UBE3C: variants seen among roughly 807,000 people sequenced by gnomAD.
The protein encoded by UBE3C is ubiquitin-protein ligase E3C.
Under a neutral mutation model 129.4 loss-of-function variants are expected in UBE3C, and 42 were observed. The ratio of observed to expected loss-of-function variants is 0.32; its 90% CI spans 0.25 to 0.42. UBE3C has a LOEUF of 0.42. UBE3C is among the 10% of genes least tolerant of loss of function. UBE3C has a pLI of 1.00. For missense variants in UBE3C, 1,049 were observed against 1,319.1 expected (o/e 0.80, Z 3.17); for synonymous variants, 510 against 492.4 (o/e 1.04, Z -0.47).
intron 3 of UBE3C, 65 bp downstream of exon 3, chr7:157,169,187 T>C (rs909676949): frequency 1.6e-6 from 2 of 1,235,426 alleles, no homozygotes; most frequent in African/African-American, 3.0e-5. Context: ...ATATGGTATC[T>C]TTGTACACCT....
intron 18 of UBE3C, among the ~76,000 whole-genome samples, chr7:157,243,679 T>G (rs1269688799): frequency 1.3e-5 from 2 of 151,994 alleles, no homozygotes; most frequent in Non-Finnish European, 2.9e-5. Context: ...AGACCAAGTG[T>G]TGCGGGAGTT....
intron 9 of UBE3C, among the ~76,000 whole-genome samples, chr7:157,186,464 G>A (rs1332801862): frequency 6.6e-6 from 1 of 151,510 alleles, no homozygotes. Context: ...TGCTTAAACT[G>A]TGATCTCAAA....
At chr7:157,157,985 TATAGAG>T (rs1436469311) in intron 1 of UBE3C, among the ~76,000 whole-genome samples, 14 of 134,692 alleles carry the variant, frequency 1.0e-4, no homozygotes, top group South Asian at 2.4e-4. Flanking sequence ...TATATATATA[TATAGAG>T]AGAGAGAGAG....
At chr7:157,266,300 C>G (rs184719179) in intron 22 of UBE3C, among the ~76,000 whole-genome samples, 43 of 152,112 alleles carry the variant, frequency 2.8e-4, no homozygotes, top group African/African-American at 9.1e-4. Flanking sequence ...GGTGACAGAG[C>G]AAGACTCCGT....
chr7:157,164,955 T>C (rs1304733979), intron 2 of UBE3C, among the ~76,000 whole-genome samples: 1 of 152,160 alleles, frequency 6.6e-6, no homozygotes, highest in Non-Finnish European at 1.5e-5. Flanking sequence ...ACCTTGGTGC[T>C]GACATTTTTG....
chr7:157,224,939 C>A (rs1795837531), intron 16 of UBE3C, among the ~76,000 whole-genome samples: 1 of 152,184 alleles, frequency 6.6e-6, no homozygotes, highest in East Asian at 1.9e-4. Flanking sequence ...TTTTACAAAG[C>A]TGTTCTTTCC....
chr7:157,151,603 G>A (rs1807758549), intron 1 of UBE3C, among the ~76,000 whole-genome samples: 1 of 152,072 alleles, frequency 6.6e-6, no homozygotes, highest in African/African-American at 2.4e-5. Flanking sequence ...TTATCCTGCC[G>A]GAAATACTAT....
rs534165541 is a variant in UBE3C at position 157,151,183 on chromosome 7, C to T, written c.66+11845C>T. On this transcript the variant is annotated intron_variant, in intron 1 of 22. Transcript: ENST00000348165. Reference sequence around the variant, plus strand: ...TCTGTGGACATAATCCTGAAGCCACCGTAGAAGGGAGCTTCAGGTTTAGCT... The same window carrying T: ...TCTGTGGACATAATCCTGAAGCCACTGTAGAAGGGAGCTTCAGGTTTAGCT... Among the ~76,000 whole-genome samples, 8 of 152,302 alleles carry T rather than the reference C, an allele frequency of 5.3e-5. No individual in the cohort carries two copies. The South Asian group carries it at 1.0e-3, about 20-fold the overall frequency.
At chr7:157,204,186 C>A (rs1809365930) in intron 11 of UBE3C, among the ~76,000 whole-genome samples, 1 of 152,076 alleles carries the variant, frequency 6.6e-6, no homozygotes, top group African/African-American at 2.4e-5. Flanking sequence ...ATATTTCCTA[C>A]TGGGAATAAA....
intron 10 of UBE3C, among the ~76,000 whole-genome samples, chr7:157,196,377 T>C (rs1220512811): frequency 6.6e-6 from 1 of 152,202 alleles, no homozygotes; most frequent in Non-Finnish European, 1.5e-5. Context: ...TAACTAAGGA[T>C]GAAGTGGTGT....
At chr7:157,189,111 G>A (rs991690095) in intron 10 of UBE3C, 2 of 408,590 alleles carry the variant, frequency 4.9e-6, no homozygotes, top group Non-Finnish European at 8.7e-6. Flanking sequence ...ATTGCATAAA[G>A]AAACTTGGAA....
intron 1 of UBE3C, among the ~76,000 whole-genome samples, chr7:157,160,265 G>A (rs1160704754): frequency 6.6e-6 from 1 of 152,062 alleles, no homozygotes; most frequent in Non-Finnish European, 1.5e-5. Flanking sequence ...AGTAGAGACG[G>A]GGTTCCACCA....
intron 10 of UBE3C, among the ~76,000 whole-genome samples, chr7:157,201,517 A>T (rs1158116715): frequency 6.6e-6 from 1 of 151,128 alleles, no homozygotes; most frequent in Non-Finnish European, 1.5e-5. Context: ...GTAACAGCAC[A>T]GATTTACACC....
intron 22 of UBE3C, among the ~76,000 whole-genome samples, chr7:157,267,238 G>A (rs1002864694): frequency 2.6e-5 from 4 of 152,104 alleles, no homozygotes; most frequent in Admixed American, 1.3e-4. Context: ...CCTGGCCAAC[G>A]TGGTGAAACC....
intron 3 of UBE3C, among the ~76,000 whole-genome samples, chr7:157,169,415 G>C (rs112141237): frequency 8.7e-5 from 13 of 148,896 alleles, no homozygotes; most frequent in Non-Finnish European, 1.5e-4. Flanking sequence ...TCACTCTGTT[G>C]CCCAGGCCAG....
intron 22 of UBE3C, among the ~76,000 whole-genome samples, chr7:157,266,650 T>G (rs1797085645): frequency 6.6e-6 from 1 of 152,268 alleles, no homozygotes; most frequent in South Asian, 2.1e-4. Context: ...AATTTTCTAT[T>G]TAAAAACAGC....
intron 1 of UBE3C, among the ~76,000 whole-genome samples, chr7:157,162,869 C>T (rs1212926120): frequency 6.6e-6 from 1 of 152,114 alleles, no homozygotes; most frequent in Non-Finnish European, 1.5e-5. Context: ...AATGTCCATA[C>T]ACTAAAGACT....
At chr7:157,209,756 A>C (rs1809538098) in intron 13 of UBE3C, among the ~76,000 whole-genome samples, 1 of 152,252 alleles carries the variant, frequency 6.6e-6, no homozygotes, top group Non-Finnish European at 1.5e-5. Flanking sequence ...TGAACTTAAT[A>C]ATGCCATATA....
intron 1 of UBE3C, among the ~76,000 whole-genome samples, chr7:157,157,871 C>T (rs886224013): frequency 6.6e-6 from 1 of 151,882 alleles, no homozygotes. Context: ...ATCCCAGCTA[C>T]TTGGAGGCCG....
Sources: gnomAD v4.1 joint callset for allele counts (sites outside exome capture counted in the v4.1 genomes callset) on GRCh38, gnomAD v4.1.1 for gene constraint, MANE v1.5 for transcripts, NCBI Gene and HGNC (gene_info 2026-07-23, HGNC 2026-07-21) for gene names.